The following FRMPD4 variants were observed in gnomAD, a reference collection of about 807,000 sequenced individuals.
FRMPD4 encodes the protein FERM and PDZ domain-containing protein 4.
A neutral mutation model predicts 94.1 loss-of-function variants in FRMPD4; 22 were observed. The observed-to-expected ratio is 0.23, with a 90% confidence interval of 0.17 to 0.33. FRMPD4 has a LOEUF of 0.33. Among genes scored for constraint, FRMPD4 ranks in the 10% least tolerant of loss-of-function variants. The pLI, the probability that FRMPD4 is intolerant of heterozygous loss-of-function variation, is 1.00. For missense variants in FRMPD4, 1,111 were observed against 1,339.9 expected (o/e 0.83, Z 2.67); for synonymous variants, 631 against 548.6 (o/e 1.15, Z -2.10).
intron 3 of FRMPD4, among the ~76,000 whole-genome samples, chrX:11,909,045 A>C (rs1329595157): frequency 9.0e-6 from 1 of 111,500 alleles, no homozygotes; most frequent in Non-Finnish European, 1.9e-5. Context: ...TCTTGTTTTT[A>C]TATCAAGGTA....
chrX:11,891,265 A>T (rs1663592428), intron 3 of FRMPD4, among the ~76,000 whole-genome samples: 1 of 112,290 alleles, frequency 8.9e-6, no homozygotes, highest in Admixed American at 9.4e-5. Context: ...AGGAGCAGGG[A>T]ATGGCTCCTC....
chrX:11,857,226 C>T (rs777908947), intron 1 of FRMPD4, among the ~76,000 whole-genome samples: 1 of 111,318 alleles, frequency 9.0e-6, no homozygotes, highest in Admixed American at 9.5e-5. Flanking sequence ...TCATATAGAA[C>T]CAAAAAGGAG....
At chrX:12,656,337 A>T (rs2059655754) in intron 4 of FRMPD4, among the ~76,000 whole-genome samples, 1 of 111,952 alleles carries the variant, frequency 8.9e-6, no homozygotes, top group African/African-American at 3.2e-5. Context: ...TACCAATTCC[A>T]CTCCTAAGTA....
At chrX:12,248,260 C>T (rs2053982606) in intron 1 of FRMPD4, among the ~76,000 whole-genome samples, 1 of 112,469 alleles carries the variant, frequency 8.9e-6, no homozygotes, top group South Asian at 3.7e-4. Context: ...AAACAAGACT[C>T]TTCTTCATAC....
At chrX:12,492,713 G>A in intron 1 of FRMPD4, among the ~76,000 whole-genome samples, 1 of 111,490 alleles carries the variant, frequency 9.0e-6, no homozygotes, top group East Asian at 2.8e-4. Flanking sequence ...TTCTATCTGT[G>A]GGGCTTTGAA....
chrX:12,230,239 G>A (rs774358909), intron 1 of FRMPD4, among the ~76,000 whole-genome samples: 3 of 111,592 alleles, frequency 2.7e-5, no homozygotes, highest in Non-Finnish European at 3.8e-5. Flanking sequence ...TGGCGCATAG[G>A]GGAAGTGATC....
At chrX:12,378,854 T>TAA (rs1478813042) in intron 1 of FRMPD4, among the ~76,000 whole-genome samples, 4 of 112,038 alleles carry the variant, frequency 3.6e-5, no homozygotes, top group African/African-American at 1.3e-4. Context: ...AGGAGTGTTT[T>TAA]TAGTGAGAAT....
At chrX:12,476,621 A>T in intron 1 of FRMPD4, among the ~76,000 whole-genome samples, 1 of 112,164 alleles carries the variant, frequency 8.9e-6, no homozygotes, top group East Asian at 2.8e-4. Flanking sequence ...TTTACAAGAA[A>T]AAAACAAACA....
intron 1 of FRMPD4, among the ~76,000 whole-genome samples, chrX:12,336,663 C>T (rs5979596): frequency 0.08 from 8,843 of 110,778 alleles, 902 homozygotes; most frequent in African/African-American, 0.27. Flanking sequence ...GAAAGGCCAA[C>T]GGACCTTTCT....
Position 12,717,918 on chromosome X carries a change from T to A in FRMPD4, c.3092T>A (p.Leu1031Gln), listed in dbSNP as rs759714773. The change falls in exon 16 of 17, where the codon CTG becomes CAG. Residue 1031 changes from leucine to glutamine, a missense_variant. Leu to Gln is a moderately radical substitution (Grantham distance 113, BLOSUM62 -2). Around this residue, in one of 8 missense-constraint regions of FRMPD4, gnomAD observed 551 missense variants for 591.6 expected, o/e 0.93. Transcript: ENST00000675598. ...YSCTSKRKSK[L>Q]ADGEGKAPPN... Reference sequence around the variant, plus strand: ...TGCACTAGCAAAAGGAAAAGCAAGCTGGCCGATGGTGAGGGGAAGGCACCC... The same window carrying A: ...TGCACTAGCAAAAGGAAAAGCAAGCAGGCCGATGGTGAGGGGAAGGCACCC... The A allele has an allele frequency of 2.5e-6, 3 of 1,211,516 alleles. No individual in the cohort carries two copies. The South Asian group carries it at 5.3e-5, about 21-fold the overall frequency.
At chrX:12,198,091 T>G (rs962290518) in intron 1 of FRMPD4, among the ~76,000 whole-genome samples, 5 of 112,085 alleles carry the variant, frequency 4.5e-5, no homozygotes, top group Non-Finnish European at 9.4e-5. Flanking sequence ...ATATACAGAT[T>G]AATTCTAAAT....
chrX:12,459,280 A>G (rs1023741956), intron 1 of FRMPD4, among the ~76,000 whole-genome samples: 2 of 111,116 alleles, frequency 1.8e-5, no homozygotes, highest in East Asian at 5.6e-4. Flanking sequence ...GAAATTTGTA[A>G]GGGCATTCAT....
intron 2 of FRMPD4, among the ~76,000 whole-genome samples, chrX:12,528,015 C>A (rs1324581424): frequency 8.9e-6 from 1 of 112,185 alleles, no homozygotes; most frequent in African/African-American, 3.2e-5. Context: ...TTGCCATATG[C>A]CAAATGATGT....
At chrX:12,112,158 G>T (rs1393752489) in intron 3 of FRMPD4, among the ~76,000 whole-genome samples, 1 of 111,856 alleles carries the variant, frequency 8.9e-6, no homozygotes, top group East Asian at 2.8e-4. Flanking sequence ...CAAACACTTG[G>T]AACCAACCCA....
chrX:11,834,875 G>GT (rs934063090), intron 1 of FRMPD4, among the ~76,000 whole-genome samples: 1 of 111,660 alleles, frequency 9.0e-6, no homozygotes, highest in Non-Finnish European at 1.9e-5. Flanking sequence ...TATACTTTTA[G>GT]TTTTTTTGGT....
intron 3 of FRMPD4, among the ~76,000 whole-genome samples, chrX:12,058,714 C>A (rs935869678): frequency 1.4e-4 from 16 of 111,034 alleles, no homozygotes; most frequent in Non-Finnish European, 3.0e-4. Flanking sequence ...CATTTAGCGA[C>A]TATTTCATTT....
chrX:11,853,723 G>A (rs1370736237), intron 1 of FRMPD4, among the ~76,000 whole-genome samples: 3 of 111,818 alleles, frequency 2.7e-5, no homozygotes, highest in African/African-American at 9.7e-5. Flanking sequence ...TTCTGAAATT[G>A]AAGTAGTAAT....
chrX:12,532,001 G>A (rs749648414), intron 2 of FRMPD4, among the ~76,000 whole-genome samples: 2 of 111,982 alleles, frequency 1.8e-5, no homozygotes, highest in Non-Finnish European at 3.8e-5. Context: ...TTAAGGTTCA[G>A]AGGTAAAGGA....
chrX:12,575,581 C>T (rs1326601406), intron 2 of FRMPD4, among the ~76,000 whole-genome samples: 1 of 111,459 alleles, frequency 9.0e-6, no homozygotes, highest in East Asian at 2.8e-4. Flanking sequence ...CCCTCATGCC[C>T]CAAATCTGTG....
Sources: gnomAD v4.1 joint callset for allele counts (sites outside exome capture counted in the v4.1 genomes callset) on GRCh38, gnomAD v4.1.1 for gene constraint, gnomAD v4.1.1 regional missense constraint, MANE v1.5 for transcripts, NCBI Gene and HGNC (gene_info 2026-07-23, HGNC 2026-07-21) for gene names.